RGS6: variants seen among roughly 807,000 people sequenced by gnomAD.
RGS6 encodes regulator of G-protein signaling 6.
In RGS6, 30 loss-of-function variants were observed where a neutral mutation model predicts 78.5. The ratio of observed to expected loss-of-function variants is 0.38; its 90% CI spans 0.29 to 0.52. RGS6 has a LOEUF of 0.52. RGS6 is among the 20% of genes least tolerant of loss of function. The probability of loss-of-function intolerance (pLI) is 0.85; values close to 1 mark genes in which losing one functional copy is unlikely to be tolerated. For synonymous variants in RGS6, 206 were observed against 206.0 expected, an observed-to-expected ratio of 1.00 and a Z score of 0.00; for missense variants, 495 against 609.7, an observed-to-expected ratio of 0.81 and a Z score of 1.98.
At chr14:72,412,773 G>C (rs1384555252) in intron 3 of RGS6, among the ~76,000 whole-genome samples, 1 of 152,078 alleles carries the variant, frequency 6.6e-6, no homozygotes, top group African/African-American at 2.4e-5. Flanking sequence ...TTGTGTCTTT[G>C]TTCTCTTTGG....
At chr14:72,307,364 G>T (rs957820804) in intron 2 of RGS6, among the ~76,000 whole-genome samples, 3 of 152,040 alleles carry the variant, frequency 2.0e-5, no homozygotes, top group African/African-American at 7.2e-5. Context: ...TCTGAGGTAT[G>T]CCTATAGTTG....
rs188571464 is a variant in RGS6, at chr14:72,265,154, T to C, written c.85-86941T>C. 2.1e-3 allele frequency among the ~76,000 whole-genome samples: 324 copies of C among 152,278 alleles called. 6 individuals are homozygous for C. The highest frequency in any genetic ancestry group is 7.6e-3 in the African/African-American group (314 of 41,558). Reference sequence around the variant, plus strand: ...GATTTTCAGGTTGGCTAAGTGTATGTGAAATGTCCTAATTTGAAAAACACT... The same window carrying C: ...GATTTTCAGGTTGGCTAAGTGTATGCGAAATGTCCTAATTTGAAAAACACT... On this transcript the variant is annotated intron_variant, in intron 2 of 17. Transcript: ENST00000553525.
At chr14:72,509,100 C>A (rs894962404) in intron 13 of RGS6, among the ~76,000 whole-genome samples, 1 of 152,108 alleles carries the variant, frequency 6.6e-6, no homozygotes, top group African/African-American at 2.4e-5. Context: ...TGCAGTGGCT[C>A]ACACCTGTAA....
At chr14:71,873,670 C>G in the RGS6 span, among the ~76,000 whole-genome samples, 1 of 152,280 alleles carries the variant, frequency 6.6e-6, no homozygotes, top group Non-Finnish European at 1.5e-5. Flanking sequence ...CTCAATTTGG[C>G]TTTTGTTGCC....
chr14:72,612,743 A>C, the RGS6 span: 1 of 393,232 alleles, frequency 2.5e-6, no homozygotes, highest in Admixed American at 3.1e-5. Context: ...GAAGTACCCA[A>C]CTATTGCCAA....
At chr14:72,550,327 G>T in intron 17 of RGS6, 1 of 734,420 alleles carries the variant, frequency 1.4e-6, no homozygotes, top group South Asian at 1.5e-5. Context: ...AGGTGGGGGA[G>T]AGGGAAGGCA....
intron 17 of RGS6, among the ~76,000 whole-genome samples, chr14:72,549,778 C>G (rs1378841722): frequency 6.6e-6 from 1 of 152,194 alleles, no homozygotes; most frequent in Non-Finnish European, 1.5e-5. Context: ...AGGAGGATCA[C>G]TAGAACAAGG....
At chr14:72,541,118 C>T (rs1160631994) in intron 17 of RGS6, 52 of 1,364,594 alleles carry the variant, frequency 3.8e-5, no homozygotes, top group Non-Finnish European at 4.6e-5. Context: ...GAGCAGGGTC[C>T]CATGCAGGGA....
chr14:72,352,608 G>C (rs1466243995), intron 3 of RGS6, among the ~76,000 whole-genome samples: 1 of 152,188 alleles, frequency 6.6e-6, no homozygotes, highest in Non-Finnish European at 1.5e-5. Flanking sequence ...TCCTGAAAGA[G>C]AGGTTTTAAA....
chr14:72,318,393 G>A (rs1333293197), intron 2 of RGS6, among the ~76,000 whole-genome samples: 2 of 150,392 alleles, frequency 1.3e-5, no homozygotes, highest in Admixed American at 6.6e-5. Flanking sequence ...TGACTTGAAC[G>A]TTAATCTCCT....
At chr14:72,431,532 T>TTATTTTATTTTATTC (rs2094637288) in intron 3 of RGS6, among the ~76,000 whole-genome samples, 2 of 63,364 alleles carry the variant, frequency 3.2e-5, no homozygotes, top group African/African-American at 1.3e-4. Context: ...TTTATTTATT[T>TTATTTTATTTTATTC]TATTTTATTT....
chr14:72,056,224 C>T (rs753700242), intron 2 of RGS6, among the ~76,000 whole-genome samples: 3 of 152,258 alleles, frequency 2.0e-5, no homozygotes, highest in African/African-American at 7.2e-5. Flanking sequence ...AAGAAGCCTG[C>T]GCCGTGTCAC....
chr14:71,934,126 A>G (rs955239760), intron 1 of RGS6, among the ~76,000 whole-genome samples: 1 of 152,052 alleles, frequency 6.6e-6, no homozygotes, highest in Non-Finnish European at 1.5e-5. Context: ...GGGTGGGACT[A>G]CTCTGTGAAG....
chr14:72,238,609 T>G (rs1047259017), intron 2 of RGS6, among the ~76,000 whole-genome samples: 1 of 152,036 alleles, frequency 6.6e-6, no homozygotes, highest in African/African-American at 2.4e-5. Context: ...TTTCTCAGTG[T>G]GTATATATTG....
At chr14:71,872,804 C>CTG in the RGS6 span, among the ~76,000 whole-genome samples, 2 of 152,100 alleles carry the variant, frequency 1.3e-5, no homozygotes, top group South Asian at 2.1e-4. Context: ...TTCCCCATCC[C>CTG]ACGACAGGCC....
At chr14:72,021,712 G>T (rs1298324880) in intron 2 of RGS6, among the ~76,000 whole-genome samples, 3 of 151,714 alleles carry the variant, frequency 2.0e-5, no homozygotes, top group African/African-American at 4.8e-5. Flanking sequence ...CCTCAGGTGA[G>T]CCACCCTCCT....
intron 2 of RGS6, among the ~76,000 whole-genome samples, chr14:72,318,017 C>G (rs1372598487): frequency 6.6e-6 from 1 of 152,170 alleles, no homozygotes; most frequent in Admixed American, 6.5e-5. Context: ...CTGTACTTTT[C>G]CTCCAGGTTT....
chr14:72,468,231 T>G (rs2153276976), intron 7 of RGS6, among the ~76,000 whole-genome samples: 1 of 152,122 alleles, frequency 6.6e-6, no homozygotes. Flanking sequence ...TACAAAAAAT[T>G]AGCCAGGCCT....
intron 2 of RGS6, among the ~76,000 whole-genome samples, chr14:72,331,010 C>T (rs1360158461): frequency 6.6e-6 from 1 of 152,084 alleles, no homozygotes; most frequent in African/African-American, 2.4e-5. Context: ...AGCATCTGGC[C>T]CAGGCCAGAG....
Sources: allele counts gnomAD v4.1 joint callset (sites outside exome capture counted in the v4.1 genomes callset), GRCh38; gene constraint gnomAD v4.1.1; transcripts MANE v1.5; gene names NCBI Gene and HGNC (gene_info 2026-07-23, HGNC 2026-07-21).